The following LUZP2 variants were observed in gnomAD, a reference collection of about 807,000 sequenced individuals.
The protein encoded by LUZP2 is leucine zipper protein 2.
In LUZP2, 52 loss-of-function variants were observed where a neutral mutation model predicts 51.6. The ratio of observed to expected loss-of-function variants is 1.01; its 90% CI spans 0.81 to 1.27. LUZP2 has a LOEUF of 1.27. Among genes scored for constraint, LUZP2 ranks in the 50% most tolerant of loss-of-function variants. LUZP2 has a pLI of 0.00. For missense variants in LUZP2, 436 were observed against 395.4 expected, an observed-to-expected ratio of 1.10 and a Z score of -0.87; for synonymous variants, 154 against 137.3, an observed-to-expected ratio of 1.12 and a Z score of -0.85.
At chr11:24,623,250 A>G (rs1854563015) in intron 1 of LUZP2, among the ~76,000 whole-genome samples, 1 of 48,896 alleles carries the variant, frequency 2.0e-5, no homozygotes, top group Admixed American at 2.1e-4. Context: ...TGGGAAAAGG[A>G]AAAAAAAATT....
chr11:24,919,728 G>T (rs1211204412), intron 7 of LUZP2, among the ~76,000 whole-genome samples: 1 of 149,642 alleles, frequency 6.7e-6, no homozygotes, highest in Non-Finnish European at 1.5e-5. Context: ...TTTAACTTGA[G>T]TTATAGTTTT....
chr11:24,574,319 TCCC>T (rs1852563763), intron 1 of LUZP2, among the ~76,000 whole-genome samples: 1 of 91,382 alleles, frequency 1.1e-5, no homozygotes, highest in African/African-American at 4.2e-5. Context: ...TTTCCCTCCC[TCCC>T]TCCCTCCCTC....
At chr11:24,790,693 G>A (rs1436065021) in intron 5 of LUZP2, among the ~76,000 whole-genome samples, 1 of 151,932 alleles carries the variant, frequency 6.6e-6, no homozygotes, top group Non-Finnish European at 1.5e-5. Context: ...GTAGAGTCGG[G>A]GTTTCACCGT....
chr11:24,763,481 A>G (rs1360621846), intron 5 of LUZP2, among the ~76,000 whole-genome samples, 173 bp downstream of exon 5: 1 of 152,102 alleles, frequency 6.6e-6, no homozygotes, highest in African/African-American at 2.4e-5. Context: ...GATAATCCTT[A>G]CGTTTATATA....
At chr11:24,948,540 G>T (rs148796728) in intron 7 of LUZP2, among the ~76,000 whole-genome samples, 2 of 151,626 alleles carry the variant, frequency 1.3e-5, no homozygotes, top group Non-Finnish European at 3.0e-5. Context: ...GGCAAGCCCT[G>T]GGCCCTAAAT....
At chr11:24,831,132 A>G (rs913890740) in intron 5 of LUZP2, among the ~76,000 whole-genome samples, 2 of 152,170 alleles carry the variant, frequency 1.3e-5, no homozygotes, top group Non-Finnish European at 2.9e-5. Flanking sequence ...AACACAAACA[A>G]CTGACTATCT....
intron 5 of LUZP2, among the ~76,000 whole-genome samples, chr11:24,801,675 T>G (rs1044366324): frequency 4.0e-5 from 6 of 151,702 alleles, no homozygotes; most frequent in Non-Finnish European, 8.8e-5. Context: ...ATTTAGACAA[T>G]AATATTCTAA....
chr11:24,969,468 TG>T (rs1855684382), intron 7 of LUZP2, among the ~76,000 whole-genome samples: 1 of 152,154 alleles, frequency 6.6e-6, no homozygotes, highest in African/African-American at 2.4e-5. Context: ...TTATTTTTTA[TG>T]TTTTATTTTA....
chr11:24,534,291 A>G (rs931434432), intron 1 of LUZP2, among the ~76,000 whole-genome samples: 1 of 151,344 alleles, frequency 6.6e-6, no homozygotes, highest in Non-Finnish European at 1.5e-5. Context: ...GCATATATAT[A>G]CATACATAGA....
intron 7 of LUZP2, among the ~76,000 whole-genome samples, chr11:24,927,065 T>G (rs1220100386): frequency 1.3e-5 from 2 of 151,982 alleles, no homozygotes; most frequent in African/African-American, 4.8e-5. Context: ...GAATTTTCTA[T>G]TCATGTTCTT....
rs1853816031 is a variant in LUZP2, at chr11:24,603,574, G to T, written c.62+106269G>T. Among the ~76,000 whole-genome samples, 3 of 147,018 alleles carry T rather than the reference G, an allele frequency of 2.0e-5. No individual in the cohort carries two copies. The South Asian group carries it at 6.4e-4, about 31-fold the overall frequency. ...TTTCCAAAAAAATATTTTATAAAAT[G>T]GTACAGATATAAAAGGGAAAAATTC... On this transcript the variant is annotated intron_variant, in intron 1 of 11. Transcript: ENST00000336930.
intron 4 of LUZP2, among the ~76,000 whole-genome samples, chr11:24,750,168 G>A (rs1859527485): frequency 6.6e-6 from 1 of 152,120 alleles, no homozygotes. Context: ...AAAATAGATT[G>A]TTATCCCTTT....
chr11:24,926,972 G>A lies in LUZP2; in HGVS notation c.522+12434G>A, dbSNP rs150491900. On this transcript the variant is annotated intron_variant, in intron 7 of 11. Transcript: ENST00000336930. Reference sequence around the variant, plus strand: ...AGTAGTATCACAGTATCACATTATGGTTTTAATTTGTATTTCTCTGATTTT... The same window carrying A: ...AGTAGTATCACAGTATCACATTATGATTTTAATTTGTATTTCTCTGATTTT... Among the ~76,000 whole-genome samples, 534 of 151,362 alleles carry A rather than the reference G, an allele frequency of 3.5e-3. 6 individuals carry two copies. The highest frequency in any genetic ancestry group is 0.012 in the African/African-American group (487 of 41,240).
intron 5 of LUZP2, among the ~76,000 whole-genome samples, chr11:24,836,395 A>G (rs1234547253): frequency 1.3e-5 from 2 of 151,908 alleles, no homozygotes; most frequent in African/African-American, 4.8e-5. Flanking sequence ...ATTAAAAACA[A>G]CCCTGATTTT....
At chr11:24,682,141 T>G (rs1457616167) in intron 1 of LUZP2, among the ~76,000 whole-genome samples, 2 of 152,186 alleles carry the variant, frequency 1.3e-5, no homozygotes, top group Non-Finnish European at 1.5e-5. Context: ...ATATTCCACC[T>G]TCATCAACTT....
intron 9 of LUZP2, among the ~76,000 whole-genome samples, chr11:24,998,317 C>T (rs546782770): frequency 6.6e-6 from 1 of 152,202 alleles, no homozygotes; most frequent in East Asian, 1.9e-4. Context: ...TTGTAGTTCT[C>T]CTTGAAGAGG....
Position 24,673,557 on chromosome 11 carries a change from G to A in LUZP2, c.63-55612G>A, listed in dbSNP as rs576869810. Among the ~76,000 whole-genome samples, 10 of 152,220 alleles carry A rather than the reference G, an allele frequency of 6.6e-5. No individual in the cohort carries two copies. In the South Asian group the frequency reaches 1.2e-3, roughly 19 times the overall value. The stretch of plus-strand genomic sequence containing the variant: ...TATTTGTAATTTAGAAGACACCTCC[G>A]TTTTCTTTTCTTCCTGAAATTGAGA... On this transcript the variant is annotated intron_variant, in intron 1 of 11. Transcript: ENST00000336930.
chr11:25,020,188 A>G (rs959179176), intron 9 of LUZP2, among the ~76,000 whole-genome samples: 1 of 152,140 alleles, frequency 6.6e-6, no homozygotes, highest in Non-Finnish European at 1.5e-5. Flanking sequence ...GAAAGGAGCA[A>G]TAGCAAAAAA....
At chr11:24,583,470 C>A (rs2133826295) in intron 1 of LUZP2, among the ~76,000 whole-genome samples, 1 of 151,688 alleles carries the variant, frequency 6.6e-6, no homozygotes, top group South Asian at 2.1e-4. Context: ...TGTGAGGAAA[C>A]TATCAATAAG....
Sources: allele counts gnomAD v4.1 joint callset (sites outside exome capture counted in the v4.1 genomes callset), GRCh38; gene constraint gnomAD v4.1.1; transcripts MANE v1.5; gene names NCBI Gene and HGNC (gene_info 2026-07-23, HGNC 2026-07-21).